Variants in NRG1 observed in about 807,000 individuals in gnomAD.
The protein encoded by NRG1 is pro-neuregulin-1, membrane-bound isoform.
NRG1 carries 18 observed loss-of-function variants against 63.8 expected under a neutral mutation model. That is an observed-to-expected ratio of 0.28 (90% CI 0.19 to 0.42). The LOEUF is 0.42. Among genes scored for constraint, NRG1 ranks in the 10% least tolerant of loss-of-function variants. NRG1 has a pLI of 1.00. For synonymous variants in NRG1, 302 were observed against 301.3 expected (o/e 1.00, Z -0.02); for missense variants, 762 against 814.7 (o/e 0.94, Z 0.79).
At chr8:32,360,919 G>A (rs1807121253) in intron 1 of NRG1, among the ~76,000 whole-genome samples, 1 of 152,078 alleles carries the variant, frequency 6.6e-6, no homozygotes, top group South Asian at 2.1e-4. Flanking sequence ...GGTAGAGCTG[G>A]CCCTGGCTAT....
chr8:32,298,607 G>A (rs940130144), intron 1 of NRG1, among the ~76,000 whole-genome samples: 4 of 150,740 alleles, frequency 2.7e-5, no homozygotes, highest in East Asian at 2.0e-4. Flanking sequence ...CTAGCTACTC[G>A]AAAGGCTGAG....
intron 1 of NRG1, among the ~76,000 whole-genome samples, chr8:31,694,817 G>A (rs1161881573): frequency 1.3e-5 from 2 of 152,232 alleles, no homozygotes; most frequent in African/African-American, 2.4e-5. Flanking sequence ...TTGAAGAAAT[G>A]TTTTAGAGAA....
In NRG1 at chr8:32,240,744, AT is replaced by A. The variant is rs974217381; in HGVS notation, c.38-355077del. ...TAAAAAAAAATGCTTTGTCCTATAC[AT>A]TTTTTTAGAATTTCCTGTCAATCCA... is the stretch of plus-strand genomic sequence containing the variant. On this transcript the variant is annotated intron_variant, in intron 1 of 10. Transcript: ENST00000519301. Among the ~76,000 whole-genome samples, 7 of 152,182 alleles carry A rather than the reference AT, an allele frequency of 4.6e-5. No individual in the cohort carries two copies. The East Asian group carries it at 1.4e-3, about 29-fold the overall frequency.
intron 1 of NRG1, among the ~76,000 whole-genome samples, chr8:32,116,700 C>T (rs1245425206): frequency 6.6e-6 from 1 of 151,996 alleles, no homozygotes; most frequent in Admixed American, 6.6e-5. Flanking sequence ...TCTTTTAATT[C>T]CTGTTTTCTT....
At chr8:31,732,146 T>C (rs1814146573) in intron 1 of NRG1, among the ~76,000 whole-genome samples, 1 of 152,216 alleles carries the variant, frequency 6.6e-6, no homozygotes, top group Admixed American at 6.5e-5. Flanking sequence ...GGGAGACCTT[T>C]CTCACTCCTC....
chr8:32,168,467 G>A (rs572883060), intron 1 of NRG1, among the ~76,000 whole-genome samples: 35 of 152,274 alleles, frequency 2.3e-4, no homozygotes, highest in African/African-American at 7.0e-4. Flanking sequence ...AATTAAATTA[G>A]TCCCATTCTT....
chr8:31,983,718 G>A (rs1181821207), intron 1 of NRG1, among the ~76,000 whole-genome samples: 2 of 151,990 alleles, frequency 1.3e-5, no homozygotes, highest in Admixed American at 1.3e-4. Flanking sequence ...GAAATAAACA[G>A]GAGAGCAGGC....
At chr8:32,242,286 C>T (rs1365651644) in intron 1 of NRG1, among the ~76,000 whole-genome samples, 1 of 151,980 alleles carries the variant, frequency 6.6e-6, no homozygotes, top group Admixed American at 6.6e-5. Flanking sequence ...CCACCCTGAC[C>T]AACGTGGTGA....
At chr8:32,417,641 G>A (rs546324304) in intron 1 of NRG1, among the ~76,000 whole-genome samples, 1 of 146,434 alleles carries the variant, frequency 6.8e-6, no homozygotes, top group African/African-American at 2.5e-5. Context: ...TTGATATAGA[G>A]TCATTATCTT....
chr8:31,648,998 G>A (rs912899131), intron 1 of NRG1, among the ~76,000 whole-genome samples: 16 of 145,370 alleles, frequency 1.1e-4, no homozygotes, highest in Admixed American at 1.4e-4. Context: ...TCACTGTGTC[G>A]CCCAGGCTGG....
At chr8:32,048,592 C>A (rs1355131458) in intron 1 of NRG1, among the ~76,000 whole-genome samples, 1 of 151,186 alleles carries the variant, frequency 6.6e-6, no homozygotes, top group Non-Finnish European at 1.5e-5. Context: ...ACCAGCAATG[C>A]ACAAGAGTCC....
intron 5 of NRG1, among the ~76,000 whole-genome samples, chr8:32,623,666 T>A (rs981862141): frequency 1.3e-5 from 2 of 152,236 alleles, no homozygotes; most frequent in African/African-American, 4.8e-5. Context: ...TTGGGGCTCG[T>A]ATATTATAGC....
At chr8:31,910,273 A>G (rs1014398369) in intron 1 of NRG1, among the ~76,000 whole-genome samples, 3 of 152,336 alleles carry the variant, frequency 2.0e-5, no homozygotes, top group Admixed American at 1.3e-4. Context: ...ACCAGAGTGT[A>G]GATTGAGACA....
At chr8:32,641,518 A>T (rs1852392201) in intron 5 of NRG1, among the ~76,000 whole-genome samples, 2 of 152,216 alleles carry the variant, frequency 1.3e-5, no homozygotes, top group South Asian at 4.1e-4. Flanking sequence ...GGTTCTCCCA[A>T]AGTAAAGCAA....
chr8:32,500,387 C>T (rs1827727130), intron 1 of NRG1, among the ~76,000 whole-genome samples: 1 of 152,152 alleles, frequency 6.6e-6, no homozygotes, highest in African/African-American at 2.4e-5. Context: ...ACCTTCCTTA[C>T]CCACCTGTAA....
At chr8:31,919,183 T>C (rs887179514) in intron 1 of NRG1, among the ~76,000 whole-genome samples, 5 of 152,042 alleles carry the variant, frequency 3.3e-5, no homozygotes, top group Admixed American at 6.6e-5. Flanking sequence ...TTTTGAAGGG[T>C]TTTTTGTGTC....
In NRG1 at chr8:32,721,896, C is replaced by T. The variant is rs1820738319; in HGVS notation, c.503-6053C>T. ...AGGAACCACCTAAGCATTTTTTTCC[C>T]CAGTAGGAGTTCAGTCTGCTCATTA... On this transcript the variant is annotated intron_variant, in intron 5 of 11. Transcript: ENST00000356819. 18 of 1,438,280 alleles carry T rather than the reference C, an allele frequency of 1.3e-5. No homozygotes were observed. The South Asian group carries it at 2.5e-4, about 20-fold the overall frequency. The allele number at this position is 1,438,280 out of a possible 1,614,324, so 89.1% of individuals were successfully genotyped here. A position where few individuals can be genotyped will look rare whatever the true frequency, so the allele number is the denominator to read the frequency against.
intron 1 of NRG1, among the ~76,000 whole-genome samples, chr8:32,503,835 C>T (rs1439436029): frequency 6.6e-6 from 1 of 152,044 alleles, no homozygotes; most frequent in Non-Finnish European, 1.5e-5. Context: ...GCCAAGCAGG[C>T]GACTTGAGAG....
At chr8:32,721,836 T>C in intron 5 of NRG1, 2 of 1,377,656 alleles carry the variant, frequency 1.5e-6, no homozygotes, top group Non-Finnish European at 1.9e-6. Flanking sequence ...GGCACAGCTC[T>C]TTCTGCTCAG....
Sources: allele counts gnomAD v4.1 joint callset (sites outside exome capture counted in the v4.1 genomes callset), GRCh38; gene constraint gnomAD v4.1.1; transcripts MANE v1.5; gene names NCBI Gene and HGNC (gene_info 2026-07-23, HGNC 2026-07-21).